RANBP17: variants seen among roughly 807,000 people sequenced by gnomAD.
RANBP17 encodes the protein RAN binding protein 17, also known as ran-binding protein 17.
In RANBP17, 158 loss-of-function variants were observed where a neutral mutation model predicts 141.2. The observed-to-expected ratio is 1.12, with a 90% CI of 0.98 to 1.28. The LOEUF (loss-of-function observed/expected upper bound fraction) is 1.28. Among genes scored for constraint, RANBP17 ranks in the 50% most tolerant of loss-of-function variants. The pLI is 0.00. For missense variants in RANBP17, 1,438 were observed against 1,290.7 expected, an observed-to-expected ratio of 1.11 and a Z score of -1.75; for synonymous variants, 430 against 450.0, an observed-to-expected ratio of 0.96 and a Z score of 0.56.
intron 14 of RANBP17, among the ~76,000 whole-genome samples, chr5:171,099,932 C>G (rs1787015589): frequency 6.6e-6 from 1 of 152,204 alleles, no homozygotes; most frequent in African/African-American, 2.4e-5. Context: ...TTGAACCAGC[C>G]TTGCTTCCCA....
At chr5:171,035,207 G>A (rs1781793724) in intron 14 of RANBP17, among the ~76,000 whole-genome samples, 1 of 152,026 alleles carries the variant, frequency 6.6e-6, no homozygotes, top group South Asian at 2.1e-4. Context: ...TTTATCTATG[G>A]TAAAAAAATA....
intron 22 of RANBP17, among the ~76,000 whole-genome samples, chr5:171,228,852 A>G (rs1220274761): frequency 6.6e-6 from 1 of 152,136 alleles, no homozygotes; most frequent in Non-Finnish European, 1.5e-5. Context: ...TGATATATAC[A>G]TTATTATTTT....
intron 14 of RANBP17, among the ~76,000 whole-genome samples, chr5:171,128,648 A>G (rs1173877773): frequency 6.6e-6 from 1 of 152,200 alleles, no homozygotes; most frequent in Non-Finnish European, 1.5e-5. Context: ...AGATAGCTAC[A>G]GGAGAGGATT....
intron 14 of RANBP17, among the ~76,000 whole-genome samples, chr5:171,083,234 G>C (rs1349594401): frequency 6.6e-6 from 1 of 152,120 alleles, no homozygotes; most frequent in Non-Finnish European, 1.5e-5. Flanking sequence ...GGTATTTGGA[G>C]GTGGGACCTT....
intron 14 of RANBP17, among the ~76,000 whole-genome samples, chr5:171,152,274 G>A (rs1486011867): frequency 6.6e-6 from 1 of 151,226 alleles, no homozygotes; most frequent in Non-Finnish European, 1.5e-5. Flanking sequence ...TAAAAAATTA[G>A]CCAGGCATGG....
At chr5:170,926,288 T>A (rs1212501433) in intron 12 of RANBP17, among the ~76,000 whole-genome samples, 4 of 152,170 alleles carry the variant, frequency 2.6e-5, no homozygotes, top group African/African-American at 9.7e-5. Flanking sequence ...GGCTGTAGTT[T>A]GCTGACCTGG....
intron 14 of RANBP17, among the ~76,000 whole-genome samples, chr5:171,061,662 G>T (rs1182288464): frequency 6.6e-6 from 1 of 152,194 alleles, no homozygotes; most frequent in African/African-American, 2.4e-5. Flanking sequence ...GGAGAGTTCT[G>T]TAGGTGTCTA....
At chr5:171,171,351 A>G in intron 16 of RANBP17, 65 bp downstream of exon 16, 1 of 880,530 alleles carries the variant, frequency 1.1e-6, no homozygotes, top group Non-Finnish European at 1.8e-6. Context: ...TTAATTAACC[A>G]GGTATTCTCC....
intron 25 of RANBP17, among the ~76,000 whole-genome samples, chr5:171,274,151 C>T (rs6555937): frequency 0.25 from 27,612 of 110,734 alleles, 2,698 homozygotes; most frequent in East Asian, 0.34. Flanking sequence ...TGTGTGTGTG[C>T]GCGCGCGCGC....
intron 14 of RANBP17, among the ~76,000 whole-genome samples, chr5:171,071,668 A>AAC (rs1477023844): frequency 6.6e-6 from 1 of 150,826 alleles, no homozygotes; most frequent in Non-Finnish European, 1.5e-5. Context: ...AAAAAAAAAA[A>AAC]AAAAAAGACC....
intron 16 of RANBP17, among the ~76,000 whole-genome samples, chr5:171,182,094 G>A (rs1168521421): frequency 6.6e-6 from 1 of 152,182 alleles, no homozygotes; most frequent in African/African-American, 2.4e-5. Context: ...CAGTGCCCCT[G>A]TGCAGAGGCA....
intron 3 of RANBP17, among the ~76,000 whole-genome samples, chr5:170,884,227 A>T (rs1438450465): frequency 6.6e-6 from 1 of 152,064 alleles, no homozygotes. Flanking sequence ...TGCTTATTTG[A>T]CCTCTGTACA....
At position 170,916,615 on chromosome 5, in the gene RANBP17, A is replaced by G. The variant is rs1463787733; in HGVS notation, c.954+31A>G. 3.6e-6 allele frequency: 5 copies of G among 1,398,028 alleles called. No individual in the cohort carries two copies. In the South Asian group the frequency reaches 4.5e-5, roughly 12 times the overall value. 86.6% of individuals were successfully genotyped at this position (1,398,028 alleles called of 1,614,324 possible). A position where few individuals can be genotyped will look rare whatever the true frequency, so the allele number is the denominator to read the frequency against. On this transcript the variant is annotated intron_variant, in intron 9 of 27. Coordinates refer to ENST00000523189, the MANE Select transcript of RANBP17 (RefSeq NM_022897.5). ...TATGAAGTAATTTAATACTTAGCATATAGAGATACAGTTTTTCAGCTAAAG... is the reference window on the plus strand; with the variant it reads ...TATGAAGTAATTTAATACTTAGCATGTAGAGATACAGTTTTTCAGCTAAAG...
chr5:171,075,494 A>G (rs1217222947), intron 14 of RANBP17, among the ~76,000 whole-genome samples: 10 of 152,224 alleles, frequency 6.6e-5, no homozygotes, highest in Admixed American at 2.0e-4. Context: ...AGAGTAGGCA[A>G]TTCTAAGGAA....
chr5:170,892,434 T>G lies in RANBP17; in HGVS notation c.304T>G (p.Phe102Val). ...YVASQPKLAPFVIQALIQVIA... is the reference protein window; with the variant it reads ...YVASQPKLAPVVIQALIQVIA... The stretch of plus-strand genomic sequence containing the variant: ...GGCATCACAGCCCAAGCTGGCTCCC[T>G]TTGTCATCCAAGCTCTTATTCAAGT... The change falls in exon 4 of 28, where the codon TTT (phenylalanine) becomes GTT (valine). Residue 102 changes from phenylalanine (F) to valine (V), a missense_variant. Coordinates refer to ENST00000523189, the MANE Select transcript of RANBP17 (RefSeq NM_022897.5). 1.9e-6 allele frequency: 3 copies of G among 1,613,780 alleles called. No homozygotes were observed. Among genetic ancestry groups the G allele is most frequent in the Non-Finnish European group, 2.5e-6 (3 of 1,179,856 alleles).
intron 3 of RANBP17, among the ~76,000 whole-genome samples, chr5:170,887,024 A>G (rs1018196596): frequency 5.3e-5 from 8 of 152,124 alleles, no homozygotes; most frequent in Non-Finnish European, 1.0e-4. Context: ...ATTTATTGAA[A>G]AAAATCCATG....
intron 24 of RANBP17, among the ~76,000 whole-genome samples, chr5:171,260,754 G>A (rs1766258154): frequency 6.6e-6 from 1 of 152,018 alleles, no homozygotes; most frequent in African/African-American, 2.4e-5. Flanking sequence ...GTGTTGGATA[G>A]AGAGTGTCTA....
chr5:171,211,746 G>A (rs1432543499), intron 20 of RANBP17, among the ~76,000 whole-genome samples: 1 of 150,750 alleles, frequency 6.6e-6, no homozygotes, highest in African/African-American at 2.4e-5. Flanking sequence ...TACAAATGCA[G>A]CCTTAACATG....
At chr5:171,194,023 T>C (rs1761817660) in intron 18 of RANBP17, among the ~76,000 whole-genome samples, 1 of 152,210 alleles carries the variant, frequency 6.6e-6, no homozygotes, top group Non-Finnish European at 1.5e-5. Flanking sequence ...AACTGTTGGC[T>C]ACCATCATTT....
Sources: gnomAD v4.1 joint callset for allele counts (sites outside exome capture counted in the v4.1 genomes callset) on GRCh38, gnomAD v4.1.1 for gene constraint, MANE v1.5 for transcripts, NCBI Gene and HGNC (gene_info 2026-07-23, HGNC 2026-07-21) for gene names.